ATP6V1C2: variants seen among roughly 807,000 people sequenced by gnomAD.
The protein encoded by ATP6V1C2 is V-type proton ATPase subunit C 2.
A neutral mutation model predicts 56.8 loss-of-function variants in ATP6V1C2; 45 were observed. That is an observed-to-expected ratio of 0.79 (90% CI 0.62 to 1.02). The LOEUF is 1.02. Among genes scored for constraint, ATP6V1C2 ranks in the 50% least tolerant of loss-of-function variants. The probability of loss-of-function intolerance (pLI) is 0.00; values close to 1 mark genes in which losing one functional copy is unlikely to be tolerated. For missense variants in ATP6V1C2, 463 were observed against 519.7 expected, an observed-to-expected ratio of 0.89 and a Z score of 1.06; for synonymous variants, 220 against 201.3, an observed-to-expected ratio of 1.09 and a Z score of -0.79.
rs1406129077 is a variant in ATP6V1C2 at position 10,767,020 on chromosome 2, TTAAAA to T, written c.379-1698_379-1694del. 7.9e-5 allele frequency among the ~76,000 whole-genome samples: 12 copies of T among 152,106 alleles called. No homozygotes were observed. In the South Asian group the frequency reaches 2.5e-3, roughly 32 times the overall value. On this transcript the variant is annotated intron_variant, in intron 5 of 13. Transcript: ENST00000272238. The stretch of plus-strand genomic sequence containing the variant: ...CTGTGAATCTATAATCATTTCAAAA[TTAAAA>T]GTTTTAAAAAAATTATTATAAAAAG...
chr2:10,766,859 A>G (rs1242116967), intron 5 of ATP6V1C2, among the ~76,000 whole-genome samples: 1 of 152,194 alleles, frequency 6.6e-6, no homozygotes, highest in African/African-American at 2.4e-5. Flanking sequence ...TAGTTGTACA[A>G]TATAGTTGCA....
intron 3 of ATP6V1C2, among the ~76,000 whole-genome samples, chr2:10,744,836 T>C (rs768185027): frequency 2.0e-5 from 3 of 150,570 alleles, no homozygotes; most frequent in Non-Finnish European, 3.0e-5. Context: ...GCCCAGCTGA[T>C]TTTTTTGTAT....
chr2:10,770,330 G>A (rs1437067163), intron 6 of ATP6V1C2, among the ~76,000 whole-genome samples: 2 of 152,092 alleles, frequency 1.3e-5, no homozygotes, highest in Non-Finnish European at 2.9e-5. Context: ...CCCGGGAGGA[G>A]GAGGTTGCAG....
intron 2 of ATP6V1C2, among the ~76,000 whole-genome samples, chr2:10,725,755 GATCATGGTTA>G (rs990337418): frequency 1.5e-4 from 23 of 151,194 alleles, no homozygotes; most frequent in African/African-American, 5.6e-4. Flanking sequence ...TTGGCCTCAA[GATCATGGTTA>G]ATAACAGCAA....
At chr2:10,721,956 C>T (rs953187759) in intron 1 of ATP6V1C2, among the ~76,000 whole-genome samples, 2 of 152,216 alleles carry the variant, frequency 1.3e-5, no homozygotes, top group South Asian at 2.1e-4. Context: ...TGCGTTGGGT[C>T]TGCGCGGGGT....
chr2:10,725,489 ATTTTTT>A (rs371459373), intron 2 of ATP6V1C2, among the ~76,000 whole-genome samples: 100 of 107,148 alleles, frequency 9.3e-4, no homozygotes, highest in African/African-American at 3.4e-3. Context: ...CCCAGCAAGA[ATTTTTT>A]TTTTTTTTTT....
At chr2:10,755,168 C>T (rs1454294445) in intron 4 of ATP6V1C2, among the ~76,000 whole-genome samples, 1 of 152,178 alleles carries the variant, frequency 6.6e-6, no homozygotes, top group Non-Finnish European at 1.5e-5. Context: ...TCCCGAGTAG[C>T]TGGGATTACA....
Position 10,748,934 on chromosome 2 carries a change from G to T in ATP6V1C2, c.198-5047G>T, listed in dbSNP as rs537240969. Among the ~76,000 whole-genome samples the T allele has an allele frequency of 3.9e-5, 6 of 152,018 alleles. 1 individual carries two copies. The highest frequency in any genetic ancestry group is 1.4e-4 in the African/African-American group (6 of 41,490). On this transcript the variant is annotated intron_variant, in intron 3 of 13. Transcript: ENST00000272238. ...GCCTGAGGTCAGGAGTTCAAGACCA[G>T]CCTGGCCAACATGGTGACACCCTGT...
intron 10 of ATP6V1C2, 141 bp downstream of exon 10, chr2:10,775,212 C>T: frequency 1.5e-6 from 1 of 685,118 alleles, no homozygotes; most frequent in South Asian, 1.8e-5. Context: ...CGTCTGTTCT[C>T]ATGGGACGCC....
chr2:10,745,041 C>CTTTTTTTTT (rs5829274), intron 3 of ATP6V1C2, among the ~76,000 whole-genome samples: 5 of 113,312 alleles, frequency 4.4e-5, no homozygotes, highest in South Asian at 2.9e-4. Context: ...TATTTATTTT[C>CTTTTTTTTT]TTTTTTTTTT....
intron 3 of ATP6V1C2, among the ~76,000 whole-genome samples, chr2:10,753,466 T>C (rs1257055214): frequency 6.6e-6 from 1 of 152,204 alleles, no homozygotes; most frequent in Non-Finnish European, 1.5e-5. Flanking sequence ...GAAAGCTTTT[T>C]CTGTTTGTCC....
intron 3 of ATP6V1C2, among the ~76,000 whole-genome samples, chr2:10,730,684 C>T (rs1438717392): frequency 5.6e-5 from 7 of 124,690 alleles, no homozygotes; most frequent in South Asian, 5.5e-4. Context: ...TGGAGTTTCA[C>T]TCATGTTGCC....
At chr2:10,731,123 A>T (rs1229922372) in intron 3 of ATP6V1C2, among the ~76,000 whole-genome samples, 2 of 150,454 alleles carry the variant, frequency 1.3e-5, no homozygotes, top group African/African-American at 2.5e-5. Flanking sequence ...TAATTTTAAA[A>T]TTTTTTGTAG....
At position 10,783,798 on chromosome 2, in the gene ATP6V1C2, A is replaced by ATTGAT. The variant is rs540403004; in HGVS notation, c.*538_*542dup. The ATTGAT allele has an allele frequency of 1.3e-4, 20 of 156,954 alleles. No individual in the cohort carries two copies. The South Asian group carries it at 3.9e-3, about 31-fold the overall frequency. 9.7% of individuals were successfully genotyped at this position (156,954 alleles called of 1,614,324 possible). On this transcript the variant is annotated 3_prime_UTR_variant, in exon 14 of 14. Transcript: ENST00000272238. ...AGACATCTGTGTATCACTTCAAAAT[A>ATTGAT]TTGATTTACTGCTAAACATCACTCT...
chr2:10,758,178 C>T (rs944856887), intron 4 of ATP6V1C2, among the ~76,000 whole-genome samples: 2 of 152,148 alleles, frequency 1.3e-5, no homozygotes, highest in Admixed American at 6.5e-5. Context: ...GACTGCAAGG[C>T]TGACTTCAGG....
Position 10,784,845 on chromosome 2 carries a change from G to C in ATP6V1C2, c.*1582G>C, listed in dbSNP as rs1665628507. On this transcript the variant is annotated 3_prime_UTR_variant, in exon 14 of 14. Coordinates refer to ENST00000272238, the MANE Select transcript of ATP6V1C2 (RefSeq NM_001039362.2). Reference sequence around the variant, plus strand: ...GTGCACCAGGGCTGAGGTCTGATGGGAAGGACTTGACTCCAGGTGCAGAGA... The same window carrying C: ...GTGCACCAGGGCTGAGGTCTGATGGCAAGGACTTGACTCCAGGTGCAGAGA... The C allele has an allele frequency of 4.2e-6, 4 of 957,470 alleles. No individual in the cohort carries two copies. Among genetic ancestry groups the C allele is most frequent in the Non-Finnish European group, 3.3e-6 (2 of 612,904 alleles). The allele number at this position is 957,470 out of a possible 1,614,324, so 59.3% of individuals were successfully genotyped here. A position where few individuals can be genotyped will look rare whatever the true frequency, so the allele number is the denominator to read the frequency against.
intron 12 of ATP6V1C2, among the ~76,000 whole-genome samples, chr2:10,779,699 A>C (rs1215053773): frequency 6.7e-6 from 1 of 150,264 alleles, no homozygotes; most frequent in Non-Finnish European, 1.5e-5. Context: ...AAAAAAAAAA[A>C]AAAAAAAACT....
intron 3 of ATP6V1C2, among the ~76,000 whole-genome samples, chr2:10,742,943 ACCTGCCCTG>A (rs1662643391): frequency 6.6e-6 from 1 of 151,948 alleles, no homozygotes; most frequent in South Asian, 2.1e-4. Flanking sequence ...TCCAGTCCCT[ACCTGCCCTG>A]CCTCACACCT....
Position 10,784,052 on chromosome 2 carries a change from G to T in ATP6V1C2, c.*789G>T. On this transcript the variant is annotated 3_prime_UTR_variant, in exon 14 of 14. Coordinates refer to ENST00000272238, the MANE Select transcript of ATP6V1C2 (RefSeq NM_001039362.2). ...TGACAGAATACGACTCAATTCACCG[G>T]CTACAACAATTCATAGAATTTTTCA... 1 of 424,896 alleles carries T rather than the reference G, an allele frequency of 2.4e-6. No individual in the cohort carries two copies. Among genetic ancestry groups the T allele is most frequent in the African/African-American group, 2.0e-5 (1 of 49,550 alleles). 26.3% of individuals were successfully genotyped at this position (424,896 alleles called of 1,614,324 possible).
Sources: gnomAD v4.1 joint callset for allele counts (sites outside exome capture counted in the v4.1 genomes callset) on GRCh38, gnomAD v4.1.1 for gene constraint, MANE v1.5 for transcripts, NCBI Gene and HGNC (gene_info 2026-07-23, HGNC 2026-07-21) for gene names.